The following ABLIM1 variants were observed in gnomAD, a reference collection of about 807,000 sequenced individuals.
The protein encoded by ABLIM1 is actin-binding LIM protein 1.
ABLIM1 carries 40 observed loss-of-function variants against 107.0 expected under a neutral mutation model. The observed-to-expected ratio is 0.37, with a 90% confidence interval of 0.29 to 0.49. The LOEUF is 0.49. Ranked by LOEUF, ABLIM1 falls within the 20% of genes least tolerant of loss-of-function variation. The probability of loss-of-function intolerance (pLI) is 0.97; values close to 1 mark genes in which losing one functional copy is unlikely to be tolerated. For synonymous variants in ABLIM1, 357 were observed against 357.3 expected, an observed-to-expected ratio of 1.00 and a Z score of 0.01; for missense variants, 857 against 1,008.5, an observed-to-expected ratio of 0.85 and a Z score of 2.04.
intron 1 of ABLIM1, among the ~76,000 whole-genome samples, chr10:114,606,288 T>G (rs1251136324): frequency 1.3e-5 from 2 of 152,112 alleles, no homozygotes; most frequent in African/African-American, 2.4e-5. Flanking sequence ...CAGGCTGGAG[T>G]GCAGTGGTGC....
chr10:114,514,459 G>A (rs2062479244), intron 6 of ABLIM1, among the ~76,000 whole-genome samples: 1 of 151,776 alleles, frequency 6.6e-6, no homozygotes, highest in African/African-American at 2.4e-5. Flanking sequence ...CTGCAGACTC[G>A]ACCACCCGGG....
At chr10:114,645,632 A>G (rs2078980952) in intron 1 of ABLIM1, among the ~76,000 whole-genome samples, 1 of 152,246 alleles carries the variant, frequency 6.6e-6, no homozygotes, top group Non-Finnish European at 1.5e-5. Flanking sequence ...ATCAGACAGA[A>G]TATATTTTTT....
intron 6 of ABLIM1, among the ~76,000 whole-genome samples, chr10:114,538,945 A>G (rs1051200640): frequency 6.6e-5 from 10 of 152,256 alleles, no homozygotes; most frequent in African/African-American, 2.4e-4. Flanking sequence ...GCCCAAGACT[A>G]GGGGAAGAAC....
chr10:114,534,196 T>C (rs1397550458), intron 6 of ABLIM1, among the ~76,000 whole-genome samples: 1 of 152,062 alleles, frequency 6.6e-6, no homozygotes, highest in Non-Finnish European at 1.5e-5. Context: ...GGATGGGAGC[T>C]GGGAGGGAAC....
intron 8 of ABLIM1, among the ~76,000 whole-genome samples, chr10:114,479,190 A>C (rs1290507084): frequency 6.6e-6 from 1 of 152,222 alleles, no homozygotes; most frequent in Non-Finnish European, 1.5e-5. Flanking sequence ...GAGGATGCAT[A>C]TAAAGCTCCA....
At chr10:114,679,799 A>G (rs1566228446) in intron 1 of ABLIM1, among the ~76,000 whole-genome samples, 1 of 152,178 alleles carries the variant, frequency 6.6e-6, no homozygotes, top group Non-Finnish European at 1.5e-5. Flanking sequence ...GAAAAACTCT[A>G]TACTCTTTGG....
chr10:114,451,125 T>A (rs1006522151), intron 14 of ABLIM1, among the ~76,000 whole-genome samples: 1 of 152,186 alleles, frequency 6.6e-6, no homozygotes, highest in East Asian at 1.9e-4. Context: ...AGCCTTGACC[T>A]CTGTGTTAGC....
intron 1 of ABLIM1, among the ~76,000 whole-genome samples, chr10:114,750,431 C>T (rs2082486162): frequency 6.6e-6 from 1 of 152,136 alleles, no homozygotes; most frequent in Non-Finnish European, 1.5e-5. Context: ...CCAAGAAACA[C>T]TAGGAAATAG....
intron 4 of ABLIM1, among the ~76,000 whole-genome samples, chr10:114,554,956 G>A (rs192506895): frequency 2.4e-3 from 359 of 152,218 alleles, no homozygotes; most frequent in Non-Finnish European, 3.8e-3. Context: ...TCTGTAAAAT[G>A]AGTAGGTTAG....
chr10:114,516,479 G>A (rs778119958), intron 6 of ABLIM1, among the ~76,000 whole-genome samples: 13 of 152,052 alleles, frequency 8.5e-5, no homozygotes, highest in South Asian at 4.1e-4. Context: ...AGCCGAGATC[G>A]CATCACTGCA....
chr10:114,559,824 A>T (rs1036550117), intron 4 of ABLIM1, among the ~76,000 whole-genome samples: 1 of 152,204 alleles, frequency 6.6e-6, no homozygotes, highest in African/African-American at 2.4e-5. Flanking sequence ...AACCTGAAGT[A>T]AATTTCTACC....
intron 1 of ABLIM1, among the ~76,000 whole-genome samples, chr10:114,624,533 A>G (rs1239281845): frequency 2.0e-5 from 3 of 152,182 alleles, no homozygotes; most frequent in Non-Finnish European, 4.4e-5. Flanking sequence ...CCACCTCCAA[A>G]GTCTGACAGT....
chr10:114,557,837 CAAAA>C (rs11340316), intron 4 of ABLIM1, among the ~76,000 whole-genome samples: 3 of 136,434 alleles, frequency 2.2e-5, no homozygotes, highest in East Asian at 2.1e-4. Context: ...TTATGACTCT[CAAAA>C]AAAAAAAAAA....
the ABLIM1 span, among the ~76,000 whole-genome samples, chr10:114,784,742 T>A: frequency 6.6e-6 from 1 of 150,996 alleles, no homozygotes; most frequent in Non-Finnish European, 1.5e-5. Flanking sequence ...AGTCAAAATT[T>A]GAAATAAACT....
chr10:114,787,011 A>C, the ABLIM1 span, among the ~76,000 whole-genome samples: 1 of 149,612 alleles, frequency 6.7e-6, no homozygotes, highest in South Asian at 2.1e-4. Context: ...GAAAGTGAGG[A>C]GCGTCTCTGC....
chr10:114,521,822 T>G (rs2063787590), intron 6 of ABLIM1, among the ~76,000 whole-genome samples: 2 of 152,100 alleles, frequency 1.3e-5, no homozygotes, highest in Admixed American at 6.6e-5. Flanking sequence ...TTGCAATGAG[T>G]GACAGATACT....
chr10:114,665,966 A>G (rs972778902), intron 1 of ABLIM1, among the ~76,000 whole-genome samples: 22 of 152,238 alleles, frequency 1.4e-4, no homozygotes, highest in African/African-American at 5.3e-4. Flanking sequence ...AAGGTTTTAG[A>G]ATACAGTCTT....
chr10:114,736,350 G>C (rs1347610398), intron 1 of ABLIM1, among the ~76,000 whole-genome samples: 2 of 152,118 alleles, frequency 1.3e-5, no homozygotes, highest in Non-Finnish European at 2.9e-5. Flanking sequence ...TTCTTGGTTT[G>C]ATTATCAAGC....
At chr10:114,672,842 C>A (rs942637448) in intron 1 of ABLIM1, among the ~76,000 whole-genome samples, 1 of 152,144 alleles carries the variant, frequency 6.6e-6, no homozygotes, top group South Asian at 2.1e-4. Flanking sequence ...TCTCGTGCTC[C>A]AGCATCATTT....
Sources: allele counts gnomAD v4.1 joint callset (sites outside exome capture counted in the v4.1 genomes callset), GRCh38; gene constraint gnomAD v4.1.1; transcripts MANE v1.5; gene names NCBI Gene and HGNC (gene_info 2026-07-23, HGNC 2026-07-21).